SLC25A48: variants seen among roughly 807,000 people sequenced by gnomAD.
SLC25A48 encodes the protein CTC-321K16.1.
In SLC25A48, 29 loss-of-function variants were observed where a neutral mutation model predicts 32.2. The observed-to-expected ratio is 0.90, with a 90% CI of 0.67 to 1.23. The LOEUF (loss-of-function observed/expected upper bound fraction) is 1.23, where lower values mean the gene tolerates loss of function less well. Ranked by LOEUF, SLC25A48 falls within the 50% of genes most tolerant of loss-of-function variation. The pLI is 0.00. For synonymous variants in SLC25A48, 164 were observed against 172.3 expected (o/e 0.95, Z 0.38); for missense variants, 399 against 422.7 (o/e 0.94, Z 0.49).
At chr5:135,872,132 C>A in intron 5 of SLC25A48, 1 of 583,490 alleles carries the variant, frequency 1.7e-6, no homozygotes, top group Non-Finnish European at 2.5e-6. Context: ...GTTAAGTAGC[C>A]AATCCCAGGT....
At chr5:135,776,270 G>A (rs76006769) in intron 3 of SLC25A48, among the ~76,000 whole-genome samples, 56,294 of 141,958 alleles carry the variant, frequency 0.4, 13,089 homozygotes, top group Non-Finnish European at 0.51. Flanking sequence ...CATATCTGGG[G>A]GGTGGGGGGC....
rs1217052442 is a variant in SLC25A48, at chr5:135,871,617, G to A, written c.578G>A (p.Cys193Tyr). The change falls in exon 5 of 8, where the codon TGC becomes TAC. Residue 193 changes from cysteine (C) to tyrosine (Y), a missense_variant. By Grantham distance (194) the Cys-to-Tyr change is radical. Coordinates refer to ENST00000681962, the MANE Select transcript of SLC25A48 (RefSeq NM_001349336.2). ...AMLLRDVPGY[C>Y]LYFIPYVFLS... ...CTGCTGAGGGATGTCCCAGGCTATT[G>A]CCTCTACTTCATCCCCTACGTGTTC... The A allele has an allele frequency of 2.5e-6, 4 of 1,614,216 alleles. No individual in the cohort carries two copies. The South Asian group carries it at 4.4e-5, about 18-fold the overall frequency.
intron 4 of SLC25A48, among the ~76,000 whole-genome samples, chr5:135,871,060 GACACACACACACACAC>G (rs10569008): frequency 0.053 from 7,295 of 137,660 alleles, 407 homozygotes; most frequent in African/African-American, 0.14. Context: ...TGTGTACACA[GACACACACACACACAC>G]ACACACACAC....
At position 135,884,755 on chromosome 5, in the gene SLC25A48, G is replaced by A. The variant is rs184675333; in HGVS notation, c.*8-3277G>A. Among the ~76,000 whole-genome samples, 28 of 152,226 alleles carry A rather than the reference G, an allele frequency of 1.8e-4. No individual in the cohort carries two copies. In the East Asian group the frequency reaches 2.1e-3, roughly 12 times the overall value. ...GTCTGCCTCAACTGGACCATTTCCC[G>A]GTGCGAGGCATGCTTGCACAGTTTG... On this transcript the variant is annotated intron_variant, in intron 7 of 7. Coordinates refer to ENST00000681962, the MANE Select transcript of SLC25A48 (RefSeq NM_001349336.2).
intron 3 of SLC25A48, among the ~76,000 whole-genome samples, chr5:135,663,123 GA>G (rs1753443657): frequency 6.6e-6 from 1 of 152,190 alleles, no homozygotes; most frequent in Non-Finnish European, 1.5e-5. Context: ...ATTTTTCCAT[GA>G]CATATCATTG....
At position 135,786,500 on chromosome 5, in the gene SLC25A48, GTTGT is replaced by G. The variant is rs1756852381; in HGVS notation, c.-520-26018_-520-26015del. Among the ~76,000 whole-genome samples the G allele has an allele frequency of 3.9e-5, 6 of 152,108 alleles. No homozygotes were observed. In the South Asian group the frequency reaches 1.2e-3, roughly 32 times the overall value. On this transcript the variant is annotated intron_variant, in intron 3 of 10. Coordinates refer to the SLC25A48 transcript ENST00000646290. ...TGAAATTATCTGTAATATTCTAGGG[GTTGT>G]TTGTCTTAATGTCACCGTGGCTGTA... is the stretch of plus-strand genomic sequence containing the variant.
Position 135,629,674 on chromosome 5 carries a change from G to A in SLC25A48, c.-709+298G>A, listed in dbSNP as rs949851610. ...ATCAGGCTCAACAGCTCTGGAAGAC[G>A]GTGTGAAATGTGATCAGTTATCACA... On this transcript the variant is annotated intron_variant, in intron 2 of 10. Coordinates refer to the SLC25A48 transcript ENST00000646290. This position sits in a 1 kb window ranked among gnomAD's most constrained non-coding sequence, Gnocchi z 4.8. Among the ~76,000 whole-genome samples, 2 of 152,194 alleles carry A rather than the reference G, an allele frequency of 1.3e-5. No homozygotes were observed. Among genetic ancestry groups the A allele is most frequent in the Non-Finnish European group, 2.9e-5 (2 of 68,040 alleles).
At chr5:135,726,895 TG>T (rs1481679817) in intron 3 of SLC25A48, among the ~76,000 whole-genome samples, 2 of 152,164 alleles carry the variant, frequency 1.3e-5, no homozygotes, top group Non-Finnish European at 2.9e-5. Context: ...TTTCCCAGAG[TG>T]GTTGTCCTAT....
chr5:135,654,533 T>C (rs1317819916), intron 3 of SLC25A48, among the ~76,000 whole-genome samples: 2 of 152,212 alleles, frequency 1.3e-5, no homozygotes, highest in East Asian at 1.9e-4. Context: ...AAAGTTGTTA[T>C]AGGTTACAGA....
At chr5:135,791,577 G>C (rs936663308) in intron 3 of SLC25A48, among the ~76,000 whole-genome samples, 6 of 151,386 alleles carry the variant, frequency 4.0e-5, no homozygotes, top group African/African-American at 1.5e-4. Flanking sequence ...GTCAGAACTG[G>C]TGTACATACT....
intron 4 of SLC25A48, among the ~76,000 whole-genome samples, chr5:135,859,391 C>G (rs529484087): frequency 6.6e-6 from 1 of 152,108 alleles, no homozygotes; most frequent in East Asian, 1.9e-4. Flanking sequence ...AAGACCCCAC[C>G]CCCATGATTC....
chr5:135,679,991 G>A (rs888866963), intron 3 of SLC25A48, among the ~76,000 whole-genome samples: 16 of 152,148 alleles, frequency 1.1e-4, no homozygotes, highest in Non-Finnish European at 1.8e-4. Context: ...CAGTGGGAAC[G>A]TGGACCTCTG....
intron 3 of SLC25A48, among the ~76,000 whole-genome samples, chr5:135,795,510 A>C (rs1483866257): frequency 1.3e-5 from 2 of 151,678 alleles, no homozygotes; most frequent in Non-Finnish European, 2.9e-5. Flanking sequence ...TATTCCCAAT[A>C]TTTAGAGGAA....
chr5:135,782,243 A>C (rs117206226), intron 3 of SLC25A48, among the ~76,000 whole-genome samples: 6 of 115,224 alleles, frequency 5.2e-5, no homozygotes, highest in African/African-American at 1.6e-4. Flanking sequence ...GGAGAGGATG[A>C]CATTACTCCC....
chr5:135,656,528 A>C (rs932840829), intron 3 of SLC25A48, among the ~76,000 whole-genome samples: 1 of 152,150 alleles, frequency 6.6e-6, no homozygotes, highest in Non-Finnish European at 1.5e-5. Context: ...TGTTCTGGGG[A>C]CTGTCCCCCT....
At chr5:135,619,687 T>C (rs775546686) in intron 1 of SLC25A48, among the ~76,000 whole-genome samples, 18 of 152,208 alleles carry the variant, frequency 1.2e-4, no homozygotes, top group Non-Finnish European at 2.6e-4. Context: ...ATGCTGTTCA[T>C]TGGGTAGCGT....
At chr5:135,632,497 G>T (rs923614558) in intron 2 of SLC25A48, among the ~76,000 whole-genome samples, 19 of 152,154 alleles carry the variant, frequency 1.2e-4, no homozygotes, top group African/African-American at 4.6e-4. Flanking sequence ...ACAGAGGAAG[G>T]AGAAGTCTAG....
In SLC25A48 at chr5:135,790,999, G is replaced by C. The variant is rs539055595; in HGVS notation, c.-520-21524G>C. On this transcript the variant is annotated intron_variant, in intron 3 of 10. Coordinates refer to the SLC25A48 transcript ENST00000646290. ...GATATTATTTGTATAATTACGGGGG[G>C]GGTGTTACTTCTAATGTCACAGTGT... is the stretch of plus-strand genomic sequence containing the variant. 2.2e-3 allele frequency among the ~76,000 whole-genome samples: 334 copies of C among 151,446 alleles called. 2 individuals carry two copies. The highest frequency in any genetic ancestry group is 7.7e-3 in the African/African-American group (316 of 41,234).
At chr5:135,819,446 T>A (rs1265690773) in intron 4 of SLC25A48, among the ~76,000 whole-genome samples, 1 of 152,192 alleles carries the variant, frequency 6.6e-6, no homozygotes, top group African/African-American at 2.4e-5. Flanking sequence ...AACTATTGAT[T>A]CGTGCAACAG....
Sources: allele counts gnomAD v4.1 joint callset (sites outside exome capture counted in the v4.1 genomes callset), GRCh38; gene constraint gnomAD v4.1.1; non-coding constraint Gnocchi (gnomAD v3.1); transcripts MANE v1.5; gene names NCBI Gene and HGNC (gene_info 2026-07-23, HGNC 2026-07-21).